CSF1: variants seen among roughly 807,000 people sequenced by gnomAD.
CSF1 encodes the protein colony stimulating factor 1.
A neutral mutation model predicts 48.9 loss-of-function variants in CSF1; 9 were observed. That is an observed-to-expected ratio of 0.18 (90% CI 0.11 to 0.32). The LOEUF (loss-of-function observed/expected upper bound fraction) is 0.32, where lower values mean the gene tolerates loss of function less well. Ranked by LOEUF, CSF1 falls within the 10% of genes least tolerant of loss-of-function variation. The probability of loss-of-function intolerance (pLI) is 1.00; values close to 1 mark genes in which losing one functional copy is unlikely to be tolerated. For synonymous variants in CSF1, 305 were observed against 284.1 expected, an observed-to-expected ratio of 1.07 and a Z score of -0.74; for missense variants, 672 against 697.9, an observed-to-expected ratio of 0.96 and a Z score of 0.42.
rs1048578076 is a variant in CSF1, at chr1:109,930,860, T to C, written c.*2022T>C. The C allele has an allele frequency of 2.6e-5, 4 of 152,208 alleles. No homozygotes were observed. The allele number at this position is 152,208 out of a possible 1,614,324, so 9.4% of individuals were successfully genotyped here. ...TCTCTGAGAAGTCAAGAGAGGACATTGGCTCACGCACTGTGAGATTTTGTT... is the reference window on the plus strand; with the variant it reads ...TCTCTGAGAAGTCAAGAGAGGACATCGGCTCACGCACTGTGAGATTTTGTT... On this transcript the variant is annotated 3_prime_UTR_variant, in exon 9 of 9. Coordinates refer to ENST00000329608, the MANE Select transcript of CSF1 (RefSeq NM_000757.6).
rs1051653654 is a variant in CSF1, at chr1:109,910,892, G to C, written c.-132G>C. Reference sequence around the variant, plus strand: ...AGTGAAAGTTTGCCTGGGTCCTCTCGGCGCCAGAGCCGCTCTCCGCATCCC... The same window carrying C: ...AGTGAAAGTTTGCCTGGGTCCTCTCCGCGCCAGAGCCGCTCTCCGCATCCC... On this transcript the variant is annotated 5_prime_UTR_variant, in exon 1 of 9. Coordinates refer to ENST00000329608, the MANE Select transcript of CSF1 (RefSeq NM_000757.6). 2.9e-5 allele frequency: 17 copies of C among 588,398 alleles called. No individual in the cohort carries two copies. Among genetic ancestry groups the C allele is most frequent in the African/African-American group, 2.6e-4 (13 of 49,696 alleles). The allele number at this position is 588,398 out of a possible 1,614,324, so 36.4% of individuals were successfully genotyped here.
rs746640521 is a variant in CSF1 at position 109,917,397 on chromosome 1, G to A, written c.330G>A (p.Val110=). The change falls in exon 4 of 9, where the codon GTG becomes GTA. Residue 110 remains valine, a synonymous_variant. Coordinates refer to ENST00000329608, the MANE Select transcript of CSF1 (RefSeq NM_000757.6). ...ACACCCCCAATGCCATCGCCATTGT[G>A]CAGCTGCAGGAACTCTCTTTGAGGC... is the stretch of plus-strand genomic sequence containing the variant. ...RDNTPNAIAI[V]QLQELSLRLK... The A allele has an allele frequency of 1.2e-6, 2 of 1,614,078 alleles. No individual in the cohort carries two copies. Among genetic ancestry groups the A allele is most frequent in the African/African-American group, 2.7e-5 (2 of 74,928 alleles).
intron 5 of CSF1, chr1:109,922,303 T>C (rs186797087): frequency 1.5e-5 from 4 of 265,588 alleles, no homozygotes; most frequent in African/African-American, 2.2e-5. Context: ...GGGAGCCCTG[T>C]AGGTATGGAA....
intron 2 of CSF1, 40 bp downstream of exon 2, chr1:109,914,421 T>C (rs1263787785): frequency 6.5e-7 from 1 of 1,532,438 alleles, no homozygotes; most frequent in Admixed American, 2.0e-5. Context: ...TTCTCCCCAC[T>C]GGGGAAATGA....
At chr1:109,913,318 G>A (rs1654769593) in intron 1 of CSF1, among the ~76,000 whole-genome samples, 1 of 152,220 alleles carries the variant, frequency 6.6e-6, no homozygotes, top group Non-Finnish European at 1.5e-5. Context: ...GAGCTCTCAG[G>A]AGGTGACCTC....
intron 1 of CSF1, 72 bp downstream of exon 1, chr1:109,911,134 G>C (rs2101636229): frequency 1.1e-6 from 1 of 942,746 alleles, no homozygotes; most frequent in South Asian, 4.8e-5. Context: ...GGCCGGGAGC[G>C]GCCCCTCGGA....
chr1:109,924,737 C>T (rs745312926), intron 6 of CSF1, 39 bp from the exon 7 acceptor site: 3 of 1,549,744 alleles, frequency 1.9e-6, no homozygotes, highest in African/African-American at 2.7e-5. Flanking sequence ...CCCCCACACT[C>T]CCCCAGCTCC....
intron 8 of CSF1, among the ~76,000 whole-genome samples, chr1:109,925,891 T>C (rs1647824500): frequency 6.6e-6 from 1 of 152,116 alleles, no homozygotes; most frequent in African/African-American, 2.4e-5. Flanking sequence ...GAGAAACGTC[T>C]TCCTCATGCG....
chr1:109,911,870 C>G (rs1204719330), intron 1 of CSF1, among the ~76,000 whole-genome samples: 1 of 152,174 alleles, frequency 6.6e-6, no homozygotes, highest in Admixed American at 6.5e-5. Flanking sequence ...GCGTAAGGGA[C>G]GCCCTGCCCC....
In CSF1 at chr1:109,911,002, C is replaced by A; in HGVS notation, c.-22C>A. On this transcript the variant is annotated 5_prime_UTR_variant, in exon 1 of 9. Coordinates refer to ENST00000329608, the MANE Select transcript of CSF1 (RefSeq NM_000757.6). ...AGCGAGCGAGGGCGGCCGACGCGCC[C>A]GGCCGGGACCCAGCTGCCCGTATGA... is the stretch of plus-strand genomic sequence containing the variant. 2 of 1,163,660 alleles carry A rather than the reference C, an allele frequency of 1.7e-6. No homozygotes were observed. The highest frequency in any genetic ancestry group is 7.3e-5 in the South Asian group (2 of 27,224). 72.1% of individuals were successfully genotyped at this position (1,163,660 alleles called of 1,614,324 possible).
intron 7 of CSF1, 135 bp downstream of exon 7, chr1:109,924,963 G>T: frequency 9.6e-7 from 1 of 1,046,326 alleles, no homozygotes; most frequent in Non-Finnish European, 1.5e-6. Context: ...GAGAGAAGAA[G>T]GGCCTCTGTC....
chr1:109,923,935 G>A lies in CSF1; in HGVS notation c.1314G>A (p.Gly438=). 6.2e-7 allele frequency: 1 copy of A among 1,614,206 alleles called. No individual in the cohort carries two copies. The highest frequency in any genetic ancestry group is 8.5e-7 in the Non-Finnish European group (1 of 1,179,996). The part of the protein sequence containing the change: ...SHSSGSVLPL[G]ELEGRRSTRD... ...CCTCGGGCAGCGTGCTGCCCCTTGG[G>A]GAGCTGGAGGGCAGGAGGAGCACCA... is the stretch of plus-strand genomic sequence containing the variant. Residue 438 remains glycine, a synonymous_variant, in exon 6 of 9, where the codon GGG becomes GGA. Coordinates refer to ENST00000329608, the MANE Select transcript of CSF1 (RefSeq NM_000757.6).
Position 109,921,944 on chromosome 1 carries a change from A to G in CSF1, c.494A>G (p.Asn165Ser), listed in dbSNP as rs895842550. 2 of 1,611,268 alleles carry G rather than the reference A, an allele frequency of 1.2e-6. No individual in the cohort carries two copies. The highest frequency in any genetic ancestry group is 1.7e-6 in the Non-Finnish European group (2 of 1,178,280). ...ETKNLLDKDWNIFSKNCNNSF... is the reference protein window; with the variant it reads ...ETKNLLDKDWSIFSKNCNNSF... ...AAGAATCTCCTTGACAAGGACTGGA[A>G]TATTTTCAGCAAGAACTGCAACAAC... The change falls in exon 5 of 9, where the codon AAT becomes AGT. Residue 165 changes from asparagine to serine, a missense_variant. Physicochemically the swap from Asn to Ser is conservative, Grantham distance 46 (BLOSUM62 1). Coordinates refer to ENST00000329608, the MANE Select transcript of CSF1 (RefSeq NM_000757.6).
At chr1:109,924,748 T>C (rs749012115) in intron 6 of CSF1, 28 bp from the exon 7 acceptor site, 6 of 1,565,112 alleles carry the variant, frequency 3.8e-6, no homozygotes, top group Non-Finnish European at 5.2e-6. Flanking sequence ...CCCCAGCTCC[T>C]CAGTGAGATG....
At chr1:109,912,092 A>G (rs1289971595) in intron 1 of CSF1, among the ~76,000 whole-genome samples, 1 of 152,078 alleles carries the variant, frequency 6.6e-6, no homozygotes, top group Non-Finnish European at 1.5e-5. Context: ...CCACAGAAAG[A>G]AAGTGCCTCA....
intron 8 of CSF1, among the ~76,000 whole-genome samples, chr1:109,925,776 C>T (rs1647819876): frequency 6.6e-6 from 1 of 152,196 alleles, no homozygotes; most frequent in Non-Finnish European, 1.5e-5. Context: ...GACTGCCCCT[C>T]TCCATGTCCC....
rs549421376 is a variant in CSF1, at chr1:109,930,379, C to T, written c.*1541C>T. 3 of 152,436 alleles carry T rather than the reference C, an allele frequency of 2.0e-5. No individual in the cohort carries two copies. The highest frequency in any genetic ancestry group is 2.1e-4 in the South Asian group (1 of 4,828). The allele number at this position is 152,436 out of a possible 1,614,324, so 9.4% of individuals were successfully genotyped here. ...GTGGCTCTGAGGCCTAGGCAACGAG[C>T]GACAGGGCTGCCAGTTGCCCCTGGG... On this transcript the variant is annotated 3_prime_UTR_variant, in exon 9 of 9. Transcript: ENST00000329608.
intron 8 of CSF1, among the ~76,000 whole-genome samples, chr1:109,927,887 C>T (rs1647908569): frequency 6.6e-6 from 1 of 152,248 alleles, no homozygotes; most frequent in Admixed American, 6.5e-5. Context: ...GGCTGGAACT[C>T]GCTCACTGGG....
intron 3 of CSF1, among the ~76,000 whole-genome samples, chr1:109,916,910 G>A (rs541782824): frequency 6.6e-6 from 1 of 152,276 alleles, no homozygotes; most frequent in East Asian, 1.9e-4. Flanking sequence ...CTATGTCCTG[G>A]AGGATTTGAA....
Sources: allele counts gnomAD v4.1 joint callset (sites outside exome capture counted in the v4.1 genomes callset), GRCh38; gene constraint gnomAD v4.1.1; transcripts MANE v1.5; gene names NCBI Gene and HGNC (gene_info 2026-07-23, HGNC 2026-07-21).